Variants in CPQ observed in about 807,000 individuals in gnomAD.
CPQ encodes the protein Ser-Met dipeptidase.
In CPQ, 37 loss-of-function variants were observed where a neutral mutation model predicts 45.7. The ratio of observed to expected loss-of-function variants is 0.81; its 90% CI spans 0.62 to 1.07. The LOEUF is 1.07. Ranked by LOEUF, CPQ falls within the 50% of genes least tolerant of loss-of-function variation. The pLI is 0.00. For synonymous variants in CPQ, 186 were observed against 205.8 expected (o/e 0.90, Z 0.82); for missense variants, 537 against 572.9 (o/e 0.94, Z 0.64).
chr8:96,911,289 G>A (rs966426113), intron 4 of CPQ, among the ~76,000 whole-genome samples: 1 of 152,164 alleles, frequency 6.6e-6, no homozygotes, highest in Non-Finnish European at 1.5e-5. Context: ...CTTCAAAAAT[G>A]CACCTCATCA....
At position 96,663,045 on chromosome 8, in the gene CPQ, C is replaced by G. The variant is rs186158739; in HGVS notation, c.-35+17643C>G. Among the ~76,000 whole-genome samples, 25 of 152,280 alleles carry G rather than the reference C, an allele frequency of 1.6e-4. 1 individual carries two copies. The East Asian group carries it at 3.7e-3, about 22-fold the overall frequency. On this transcript the variant is annotated intron_variant, in intron 1 of 7. Coordinates refer to ENST00000220763, the MANE Select transcript of CPQ (RefSeq NM_016134.4). ...TTCTAGAGAATGGGTAATCACCTTT[C>G]AAGTCATTTTTCCAAACCCATTTCT...
rs184124143 is a variant in CPQ, at chr8:96,926,405, T to C, written c.850-39530T>C. Among the ~76,000 whole-genome samples the C allele has an allele frequency of 4.5e-3, 679 of 152,310 alleles. 1 individual carries two copies. Among genetic ancestry groups the C allele is most frequent in the Non-Finnish European group, 7.6e-3 (517 of 68,028 alleles). ...ATCTTTCTAACAAGTGTTTTAAATG[T>C]CTGAATAATCTATTTATTCAATAAA... On this transcript the variant is annotated intron_variant, in intron 4 of 7. Transcript: ENST00000220763.
At position 96,835,086 on chromosome 8, in the gene CPQ, A is replaced by T. The variant is rs142709899; in HGVS notation, c.547A>T (p.Thr183Ser). ...CCAACCTTACATCAACTACTCAAGG[A>T]CGGTGCAATACCGAACGCAGGGGGC... ...YNQPYINYSRTVQYRTQGAVE... is the reference protein window; with the variant it reads ...YNQPYINYSRSVQYRTQGAVE... The change falls in exon 3 of 8, where the codon ACG (threonine) becomes TCG (serine). Residue 183 changes from threonine (T) to serine (S), a missense_variant. Coordinates refer to ENST00000220763, the MANE Select transcript of CPQ (RefSeq NM_016134.4). The T allele has an allele frequency of 3.1e-6, 5 of 1,608,694 alleles. No homozygotes were observed. Among genetic ancestry groups the T allele is most frequent in the Non-Finnish European group, 4.2e-6 (5 of 1,177,502 alleles).
chr8:96,894,589 A>G (rs1812420089), intron 4 of CPQ, among the ~76,000 whole-genome samples: 1 of 152,254 alleles, frequency 6.6e-6, no homozygotes, highest in Non-Finnish European at 1.5e-5. Flanking sequence ...TCATAATATA[A>G]CAACAAATGT....
At chr8:96,919,304 T>G (rs1812777308) in intron 4 of CPQ, among the ~76,000 whole-genome samples, 1 of 152,132 alleles carries the variant, frequency 6.6e-6, no homozygotes, top group African/African-American at 2.4e-5. Context: ...TTTCTTTGTC[T>G]TTGGCTTCCA....
intron 5 of CPQ, among the ~76,000 whole-genome samples, chr8:97,018,331 T>C (rs1809617290): frequency 6.6e-6 from 1 of 152,136 alleles, no homozygotes; most frequent in Non-Finnish European, 1.5e-5. Flanking sequence ...CAGCGTTCTT[T>C]AACATCCCCC....
intron 5 of CPQ, among the ~76,000 whole-genome samples, chr8:96,998,445 G>T (rs937988515): frequency 5.9e-5 from 9 of 151,850 alleles, no homozygotes; most frequent in African/African-American, 2.2e-4. Context: ...AGAGAAAAGA[G>T]AACTGAAAAT....
chr8:96,843,815 C>T (rs577025751), intron 3 of CPQ, among the ~76,000 whole-genome samples: 39 of 152,290 alleles, frequency 2.6e-4, no homozygotes, highest in African/African-American at 9.4e-4. Flanking sequence ...AATGGAATCT[C>T]TGGAATCTGA....
At chr8:97,027,452 A>G (rs1277992571) in intron 5 of CPQ, among the ~76,000 whole-genome samples, 2 of 152,192 alleles carry the variant, frequency 1.3e-5, no homozygotes, top group East Asian at 1.9e-4. Flanking sequence ...GGGTTGTCTT[A>G]CATGTGTTAT....
intron 2 of CPQ, among the ~76,000 whole-genome samples, chr8:96,805,991 G>A (rs1278512422): frequency 6.6e-6 from 1 of 152,140 alleles, no homozygotes; most frequent in Non-Finnish European, 1.5e-5. Flanking sequence ...ATCAGCCATA[G>A]GATTTCATAA....
chr8:97,139,542 A>T (rs1459848399), intron 7 of CPQ, among the ~76,000 whole-genome samples: 1 of 152,156 alleles, frequency 6.6e-6, no homozygotes, highest in Non-Finnish European at 1.5e-5. Flanking sequence ...TATATCATAC[A>T]GCCAACATTC....
At chr8:96,693,239 A>G (rs1197756545) in intron 1 of CPQ, among the ~76,000 whole-genome samples, 1 of 151,734 alleles carries the variant, frequency 6.6e-6, no homozygotes, top group Non-Finnish European at 1.5e-5. Context: ...TAGCCTTAGA[A>G]AGGAGGAAGG....
intron 4 of CPQ, among the ~76,000 whole-genome samples, chr8:96,931,499 C>T (rs762954252): frequency 2.6e-5 from 4 of 152,178 alleles, no homozygotes; most frequent in Non-Finnish European, 5.9e-5. Flanking sequence ...AATGCTCACG[C>T]TCCTGGGCCT....
chr8:97,005,878 T>C (rs1468200313), intron 5 of CPQ, among the ~76,000 whole-genome samples: 1 of 152,204 alleles, frequency 6.6e-6, no homozygotes, highest in African/African-American at 2.4e-5. Context: ...AATTTTTTTA[T>C]CATATATGCA....
At chr8:97,074,950 A>G (rs936413063) in intron 7 of CPQ, among the ~76,000 whole-genome samples, 3 of 152,150 alleles carry the variant, frequency 2.0e-5, no homozygotes, top group Non-Finnish European at 4.4e-5. Context: ...AAAAAGAGTC[A>G]TAAATGTCAG....
chr8:96,969,049 C>T lies in CPQ; in HGVS notation c.961+3003C>T, dbSNP rs570617493. Among the ~76,000 whole-genome samples, 4 of 152,298 alleles carry T rather than the reference C, an allele frequency of 2.6e-5. No individual in the cohort carries two copies. The South Asian group carries it at 8.3e-4, about 32-fold the overall frequency. ...ATGATGCTCCAAAATGCTCATTTGG[C>T]ACTTAGAAAATAAACTACCATCCAT... On this transcript the variant is annotated intron_variant, in intron 5 of 7. Transcript: ENST00000220763.
intron 5 of CPQ, among the ~76,000 whole-genome samples, chr8:97,025,948 C>A (rs565264371): frequency 5.3e-4 from 80 of 152,194 alleles, no homozygotes; most frequent in Middle Eastern, 3.4e-3. Flanking sequence ...AAGGGAAGAA[C>A]CTGTTTCTAT....
At chr8:96,814,177 T>G (rs920254075) in intron 2 of CPQ, among the ~76,000 whole-genome samples, 3 of 152,086 alleles carry the variant, frequency 2.0e-5, no homozygotes, top group Admixed American at 1.3e-4. Context: ...AAATTAGATT[T>G]TAATTTTTTT....
intron 5 of CPQ, among the ~76,000 whole-genome samples, chr8:97,022,163 G>C (rs1398509111): frequency 1.3e-4 from 20 of 152,104 alleles, no homozygotes; most frequent in Non-Finnish European, 4.4e-5. Flanking sequence ...AATGGTGCTG[G>C]GATAATTGGC....
Sources: allele counts gnomAD v4.1 joint callset (sites outside exome capture counted in the v4.1 genomes callset), GRCh38; gene constraint gnomAD v4.1.1; transcripts MANE v1.5; gene names NCBI Gene and HGNC (gene_info 2026-07-23, HGNC 2026-07-21).